The following SRRM2 variants were observed in gnomAD, a reference collection of about 807,000 sequenced individuals.
SRRM2 encodes the protein serine/arginine repetitive matrix protein 2.
Under a neutral mutation model 213.8 loss-of-function variants are expected in SRRM2, and 30 were observed. The ratio of observed to expected loss-of-function variants is 0.14; its 90% confidence interval spans 0.10 to 0.19. The LOEUF is 0.19. Ranked by LOEUF, SRRM2 falls within the 10% of genes least tolerant of loss-of-function variation. The probability of loss-of-function intolerance (pLI) is 1.00; values close to 1 mark genes in which losing one functional copy is unlikely to be tolerated. For missense variants in SRRM2, 4,904 were observed against 3,647.0 expected, an observed-to-expected ratio of 1.34 and a Z score of -8.88; for synonymous variants, 2,025 against 1,377.7, an observed-to-expected ratio of 1.47 and a Z score of -10.40.
rs369475294 is a variant in SRRM2, at chr16:2,766,038, G to A, written c.5510G>A (p.Arg1837His). 3.7e-6 allele frequency: 6 copies of A among 1,613,978 alleles called. No homozygotes were observed. The highest frequency in any genetic ancestry group is 2.2e-5 in the East Asian group (1 of 44,862). ...RQESSRTSSR[R>H]RRGRSRTPPT... ...GAAAGTTCCCGGACCTCCTCTCGAC[G>A]CCGAAGAGGCCGCTCTCGGACACCC... is the stretch of plus-strand genomic sequence containing the variant. Residue 1837 changes from arginine to histidine, a missense_variant, in exon 11 of 15, where the codon CGC (arginine) becomes CAC (histidine). Transcript: ENST00000301740. The surrounding 1 kb of genome is among the most constrained non-coding windows in gnomAD (Gnocchi z 7.0).
In SRRM2 at chr16:2,766,936, T is replaced by C; in HGVS notation, c.6408T>C (p.Leu2136=). The C allele has an allele frequency of 6.2e-7, 1 of 1,614,080 alleles. No individual in the cohort carries two copies. Among genetic ancestry groups the C allele is most frequent in the South Asian group, 1.1e-5 (1 of 91,082 alleles). Residue 2136 remains leucine (L), a synonymous_variant, in exon 11 of 15, where the codon CTT becomes CTC. Coordinates refer to ENST00000301740, the MANE Select transcript of SRRM2 (RefSeq NM_016333.4). The surrounding 1 kb of genome is among the most constrained non-coding windows in gnomAD (Gnocchi z 7.0). ...ATCGCTGCAGATCACCTGGAATGCT[T>C]GAACCCCTTGGCAGCTCTAGAACAC... ...PLDRCRSPGM[L]EPLGSSRTPM...
rs747603624 is a variant in SRRM2 at position 2,758,573 on chromosome 16, A to G, written c.593+26A>G. ...GTAAGTTAGTTGGAAAGTGACTCTGATAGCCAGAGGACCAATCCTGTGGTG... is the reference window on the plus strand; with the variant it reads ...GTAAGTTAGTTGGAAAGTGACTCTGGTAGCCAGAGGACCAATCCTGTGGTG... On this transcript the variant is annotated intron_variant, in intron 5 of 14. Coordinates refer to ENST00000301740, the MANE Select transcript of SRRM2 (RefSeq NM_016333.4). 5 of 1,600,054 alleles carry G rather than the reference A, an allele frequency of 3.1e-6. No homozygotes were observed. In the South Asian group the frequency reaches 5.5e-5, roughly 18 times the overall value.
At position 2,765,229 on chromosome 16, in the gene SRRM2, C is replaced by T. The variant is rs1461072397; in HGVS notation, c.4701C>T (p.Ala1567=). The T allele has an allele frequency of 1.2e-6, 2 of 1,613,976 alleles. No homozygotes were observed. Among genetic ancestry groups the T allele is most frequent in the African/African-American group, 2.7e-5 (2 of 74,918 alleles). Residue 1567 remains alanine (A), a synonymous_variant, in exon 11 of 15, where the codon GCC becomes GCT. Coordinates refer to ENST00000301740, the MANE Select transcript of SRRM2 (RefSeq NM_016333.4). ...SESDSSPDSK[A]KTRTPLRQRS... is the part of the protein sequence containing the mutation. ...CAGACTCTTCTCCAGATTCTAAAGC[C>T]AAGACAAGAACCCCACTTCGGCAGA...
chr16:2,760,461 A>G lies in SRRM2; in HGVS notation c.994A>G (p.Ser332Gly), dbSNP rs753275497. The G allele has an allele frequency of 8.7e-6, 14 of 1,614,124 alleles. No homozygotes were observed. In the South Asian group the frequency reaches 8.8e-5, roughly 10 times the overall value. The change falls in exon 10 of 15, where the codon AGC (serine) becomes GGC (glycine). Residue 332 changes from serine to glycine, a missense_variant. By Grantham distance (56) the Ser-to-Gly change is moderately conservative. Transcript: ENST00000301740. ...SSPETATKQP[S>G]SPYEDKDKDK... The stretch of plus-strand genomic sequence containing the variant: ...CCCGGAGACTGCTACGAAACAGCCT[A>G]GCAGCCCTTATGAAGACAAAGATAA...
chr16:2,755,721 G>C (rs978851428), intron 1 of SRRM2, among the ~76,000 whole-genome samples: 10 of 152,198 alleles, frequency 6.6e-5, no homozygotes, highest in African/African-American at 2.2e-4. Context: ...CTTTAGTTGG[G>C]GTGTGAGGCT....
chr16:2,770,840 C>T lies in SRRM2; in HGVS notation c.8250-18C>T, dbSNP rs1483250390. 1.9e-6 allele frequency: 3 copies of T among 1,614,042 alleles called. No individual in the cohort carries two copies. The highest frequency in any genetic ancestry group is 1.7e-5 in the Admixed American group (1 of 60,014). On this transcript the variant is annotated intron_variant, in intron 14 of 14. Transcript: ENST00000301740. ...GCTGGGGTGGGAACTCCCTGTTGAC[C>T]CATATCTTCTCTTGCAGGTCTCCAT...
chr16:2,761,777 T>G lies in SRRM2; in HGVS notation c.1249T>G (p.Ser417Ala). 1 of 1,613,604 alleles carries G rather than the reference T, an allele frequency of 6.2e-7. No homozygotes were observed. The highest frequency in any genetic ancestry group is 8.5e-7 in the Non-Finnish European group (1 of 1,179,806). The stretch of plus-strand genomic sequence containing the variant: ...TCCCGAGAAACTTCCCCAGTCTTCT[T>G]CCTCAGAGAGCAGCCCACCATCCCC... Reference protein sequence around the residue: ...KSPEKLPQSSSSESSPPSPQP... With the variant: ...KSPEKLPQSSASESSPPSPQP... The change falls in exon 11 of 15, where the codon TCC becomes GCC. Residue 417 changes from serine to alanine, a missense_variant. Transcript: ENST00000301740.
chr16:2,757,596 C>T lies in SRRM2; in HGVS notation c.350+17C>T, dbSNP rs1208195365. ...GAGGCCAGCGTGAGTGTTGCGCTCTCCCTCGATGACTCTGGACTCTACTCT... is the reference window on the plus strand; with the variant it reads ...GAGGCCAGCGTGAGTGTTGCGCTCTTCCTCGATGACTCTGGACTCTACTCT... On this transcript the variant is annotated intron_variant, in intron 3 of 14. Transcript: ENST00000301740. 2 of 1,608,322 alleles carry T rather than the reference C, an allele frequency of 1.2e-6. No individual in the cohort carries two copies. The highest frequency in any genetic ancestry group is 1.7e-6 in the Non-Finnish European group (2 of 1,176,028).
chr16:2,756,633 G>T, intron 2 of SRRM2, 27 bp downstream of exon 2: 1 of 1,597,836 alleles, frequency 6.3e-7, no homozygotes, highest in Non-Finnish European at 8.5e-7. Flanking sequence ...GGAGAGTCAA[G>T]CACTGAATGA....
rs540808012 is a variant in SRRM2, at chr16:2,768,178, G to A, written c.7650G>A (p.Ser2550=). 31 of 1,612,360 alleles carry A rather than the reference G, an allele frequency of 1.9e-5. No homozygotes were observed. Among genetic ancestry groups the A allele is most frequent in the African/African-American group, 1.6e-4 (12 of 74,946 alleles). Residue 2550 remains serine, a synonymous_variant, in exon 11 of 15, where the codon TCG becomes TCA. Transcript: ENST00000301740. ...CCTCCTCTTCTTCATCATCGTCGTC[G>A]TCGTCCTCCTCCTCCTCTGGCTCCA... ...SSSSSSSSSS[S]SSSSSSGSSS...
At position 2,761,988 on chromosome 16, in the gene SRRM2, C is replaced by T. The variant is rs752165651; in HGVS notation, c.1460C>T (p.Pro487Leu). Residue 487 changes from proline (P) to leucine (L), a missense_variant, in exon 11 of 15, where the codon CCT becomes CTT. Physicochemically the swap from Pro to Leu is moderately conservative, Grantham distance 98 (BLOSUM62 -3). Transcript: ENST00000301740. ...PSRRMGRSRS[P>L]ATAKRGRSRS... ...CGTAGGATGGGGAGGTCCCGTAGCC[C>T]TGCCACCGCTAAGAGAGGGCGATCT... 6.2e-7 allele frequency: 1 copy of T among 1,614,044 alleles called. No individual in the cohort carries two copies. The highest frequency in any genetic ancestry group is 1.7e-5 in the Admixed American group (1 of 59,996).
rs1016670065 is a variant in SRRM2 at position 2,771,214 on chromosome 16, G to A, written c.*347G>A. 3.6e-5 allele frequency: 24 copies of A among 657,894 alleles called. No homozygotes were observed. The highest frequency in any genetic ancestry group is 5.6e-5 in the Non-Finnish European group (21 of 375,616). 40.8% of individuals were successfully genotyped at this position (657,894 alleles called of 1,614,324 possible). On this transcript the variant is annotated 3_prime_UTR_variant, in exon 15 of 15. Transcript: ENST00000301740. ...AGAAGTTCCCAGGGGTGATTGTGATGGTGGTTGGGACTGGAGGTTGTATAA... is the reference window on the plus strand; with the variant it reads ...AGAAGTTCCCAGGGGTGATTGTGATAGTGGTTGGGACTGGAGGTTGTATAA...
At position 2,770,620 on chromosome 16, in the gene SRRM2, G is replaced by A; in HGVS notation, c.8152G>A (p.Gly2718Ser). Residue 2718 changes from glycine (G) to serine (S), a missense_variant, in exon 14 of 15, where the codon GGT becomes AGT. By Grantham distance (56) the Gly-to-Ser change is moderately conservative. Coordinates refer to ENST00000301740, the MANE Select transcript of SRRM2 (RefSeq NM_016333.4). The stretch of plus-strand genomic sequence containing the variant: ...GTGTTGCAGCAGCAGCAGTGAGCGG[G>A]GTTCCCGGAGAGGCCAGCGTGGGGA... ...RDQQSSSSERGSRRGQRGDSR... is the reference protein window; with the variant it reads ...RDQQSSSSERSSRRGQRGDSR... 1 of 1,552,918 alleles carries A rather than the reference G, an allele frequency of 6.4e-7. No homozygotes were observed.
At chr16:2,757,262 C>T (rs2107321) in intron 2 of SRRM2, among the ~76,000 whole-genome samples, 100,431 of 151,886 alleles carry the variant, frequency 0.66, 34,267 homozygotes, top group Admixed American at 0.8. Context: ...TGAGGTGTAG[C>T]ATATTTAAAA....
chr16:2,770,522 A>G, intron 13 of SRRM2, 57 bp downstream of exon 13: 3 of 1,564,106 alleles, frequency 1.9e-6, no homozygotes, highest in Non-Finnish European at 2.6e-6. Context: ...TGCTTTCTAC[A>G]AAGAAGAAAG....
intron 1 of SRRM2, 87 bp downstream of exon 1, chr16:2,752,933 C>G (rs1181822347): frequency 6.3e-6 from 1 of 159,200 alleles, no homozygotes; most frequent in East Asian, 1.9e-4. Context: ...ACTGCCCAGG[C>G]CGCCGAGCTC....
chr16:2,763,863 C>T lies in SRRM2; in HGVS notation c.3335C>T (p.Ser1112Phe), dbSNP rs139282933. ...CCAGTCACTGAGCTGGCATCCAGATCTCCAATAAGACAAGATAGAGGTGAG... is the reference window on the plus strand; with the variant it reads ...CCAGTCACTGAGCTGGCATCCAGATTTCCAATAAGACAAGATAGAGGTGAG... ...SSPVTELASR[S>F]PIRQDRGEFS... Residue 1112 changes from serine to phenylalanine, a missense_variant, in exon 11 of 15, where the codon TCT (serine) becomes TTT (phenylalanine). Transcript: ENST00000301740. 2.5e-4 allele frequency: 407 copies of T among 1,614,062 alleles called. 1 individual carries two copies. Among genetic ancestry groups the T allele is most frequent in the Non-Finnish European group, 2.9e-4 (345 of 1,180,028 alleles).
At position 2,756,560 on chromosome 16, in the gene SRRM2, G is replaced by GTCGAGCTGCGATGCC; in HGVS notation, c.205_219dup (p.Arg69_Leu73dup). On this transcript the variant is annotated inframe_insertion, in exon 2 of 15. Transcript: ENST00000301740. Reference sequence around the variant, plus strand: ...CCTGGACCACGAGCGCAAGCGGCGCGTCGAGCTGCGATGCCTCGAGCTGGA... The same window carrying GTCGAGCTGCGATGCC: ...CCTGGACCACGAGCGCAAGCGGCGCGTCGAGCTGCGATGCCTCGAGCTGCGATGCCTCGAGCTGGA... 6.2e-7 allele frequency: 1 copy of GTCGAGCTGCGATGCC among 1,614,046 alleles called. No homozygotes were observed. Among genetic ancestry groups the GTCGAGCTGCGATGCC allele is most frequent in the East Asian group, 2.2e-5 (1 of 44,884 alleles).
chr16:2,768,171 C>G lies in SRRM2; in HGVS notation c.7643C>G (p.Ser2548Trp). The G allele has an allele frequency of 1.3e-6, 2 of 1,596,062 alleles. No homozygotes were observed. Among genetic ancestry groups the G allele is most frequent in the Non-Finnish European group, 1.7e-6 (2 of 1,165,780 alleles). Residue 2548 changes from serine (S) to tryptophan (W), a missense_variant, in exon 11 of 15, where the codon TCG becomes TGG. Coordinates refer to ENST00000301740, the MANE Select transcript of SRRM2 (RefSeq NM_016333.4). Reference protein sequence around the residue: ...SSSSSSSSSSSSSSSSSSSGS... With the variant: ...SSSSSSSSSSWSSSSSSSSGS... ...TCTAGCTCCTCCTCTTCTTCATCAT[C>G]GTCGTCGTCGTCCTCCTCCTCCTCT...
Sources: gnomAD v4.1 joint callset for allele counts (sites outside exome capture counted in the v4.1 genomes callset) on GRCh38, gnomAD v4.1.1 for gene constraint, Gnocchi (gnomAD v3.1) non-coding constraint, MANE v1.5 for transcripts, NCBI Gene and HGNC (gene_info 2026-07-23, HGNC 2026-07-21) for gene names.